Variants in NRXN3 observed in about 807,000 individuals in gnomAD.
NRXN3 encodes neurexin 3.
A neutral mutation model predicts 137.6 loss-of-function variants in NRXN3; 32 were observed. The observed-to-expected ratio is 0.23, with a 90% CI of 0.18 to 0.31. The LOEUF (loss-of-function observed/expected upper bound fraction) is 0.31. Among genes scored for constraint, NRXN3 ranks in the 10% least tolerant of loss-of-function variants. The pLI is 1.00. For synonymous variants in NRXN3, 798 were observed against 784.5 expected, an observed-to-expected ratio of 1.02 and a Z score of -0.29; for missense variants, 1,574 against 2,062.5, an observed-to-expected ratio of 0.76 and a Z score of 4.59.
chr14:79,176,867 C>T (rs2062396804), intron 15 of NRXN3, among the ~76,000 whole-genome samples: 4 of 152,246 alleles, frequency 2.6e-5, no homozygotes, highest in Admixed American at 2.6e-4. Context: ...TCTCTTTGTA[C>T]ACCTTGCACC....
At chr14:79,396,185 A>G (rs2095020680) in intron 15 of NRXN3, among the ~76,000 whole-genome samples, 1 of 152,084 alleles carries the variant, frequency 6.6e-6, no homozygotes, top group Non-Finnish European at 1.5e-5. Context: ...TGAAATGAGT[A>G]AAGAGGCCTG....
intron 4 of NRXN3, among the ~76,000 whole-genome samples, chr14:78,617,720 T>C (rs1207095772): frequency 1.3e-5 from 2 of 152,102 alleles, no homozygotes; most frequent in Non-Finnish European, 2.9e-5. Context: ...CAGTCTATAA[T>C]GTGAGGTGTT....
At chr14:79,741,801 TAC>T (rs34107894) in intron 19 of NRXN3, among the ~76,000 whole-genome samples, 19,806 of 146,458 alleles carry the variant, frequency 0.14, 2,338 homozygotes, top group African/African-American at 0.33. Flanking sequence ...GTGTATACAT[TAC>T]ACACACACAC....
At chr14:79,395,758 G>A (rs746986618) in intron 15 of NRXN3, among the ~76,000 whole-genome samples, 4 of 148,830 alleles carry the variant, frequency 2.7e-5, no homozygotes, top group African/African-American at 9.9e-5. Flanking sequence ...GCAGTGAGTG[G>A]AGATCATGCC....
intron 1 of NRXN3, among the ~76,000 whole-genome samples, chr14:78,178,373 C>A (rs925483481): frequency 8.5e-5 from 13 of 152,202 alleles, no homozygotes; most frequent in African/African-American, 3.1e-4. Context: ...TGTAGCACTG[C>A]TGCTTAGGAG....
intron 16 of NRXN3, among the ~76,000 whole-genome samples, chr14:79,613,785 C>T (rs188850317): frequency 6.6e-6 from 1 of 152,314 alleles, no homozygotes; most frequent in East Asian, 1.9e-4. Context: ...AAAGATAAAT[C>T]AGAAACCATT....
At chr14:78,437,457 C>T (rs73314796) in intron 4 of NRXN3, among the ~76,000 whole-genome samples, 26,380 of 151,818 alleles carry the variant, frequency 0.17, 3,973 homozygotes, top group African/African-American at 0.4. Flanking sequence ...CAAGTGATTC[C>T]CTTGTCTCAG....
chr14:78,827,283 AAAT>A, intron 10 of NRXN3, among the ~76,000 whole-genome samples: 1 of 151,970 alleles, frequency 6.6e-6, no homozygotes, highest in Non-Finnish European at 1.5e-5. Context: ...AAAAAAAAAA[AAAT>A]ACAAAAGAAC....
intron 4 of NRXN3, among the ~76,000 whole-genome samples, chr14:78,624,572 TG>T (rs2097436722): frequency 6.6e-6 from 1 of 152,186 alleles, no homozygotes; most frequent in African/African-American, 2.4e-5. Flanking sequence ...CATCTTTTGT[TG>T]GGAAGAGGCT....
At chr14:79,682,539 T>G (rs1035708152) in intron 17 of NRXN3, among the ~76,000 whole-genome samples, 2 of 152,180 alleles carry the variant, frequency 1.3e-5, no homozygotes, top group African/African-American at 4.8e-5. Context: ...TTGAGAAGCC[T>G]TAAAAATTCT....
At chr14:78,977,976 A>T (rs998645462) in intron 14 of NRXN3, among the ~76,000 whole-genome samples, 1 of 152,200 alleles carries the variant, frequency 6.6e-6, no homozygotes, top group African/African-American at 2.4e-5. Flanking sequence ...GGGGATAAAG[A>T]TACCATGAAG....
At chr14:78,269,547 TTAA>T (rs2072370986) in intron 2 of NRXN3, among the ~76,000 whole-genome samples, 1 of 152,208 alleles carries the variant, frequency 6.6e-6, no homozygotes, top group South Asian at 2.1e-4. Context: ...ACGAATGTAC[TTAA>T]TACTACTGAA....
intron 16 of NRXN3, among the ~76,000 whole-genome samples, chr14:79,534,454 A>G (rs182362965): frequency 2.0e-5 from 3 of 152,308 alleles, no homozygotes; most frequent in Admixed American, 6.5e-5. Context: ...CACTATATCT[A>G]TAGAACAAAT....
chr14:78,582,758 T>A (rs1472042390), intron 4 of NRXN3, among the ~76,000 whole-genome samples: 2 of 152,196 alleles, frequency 1.3e-5, no homozygotes, highest in Admixed American at 1.3e-4. Flanking sequence ...TATTCCACTA[T>A]ACAATAACAA....
At chr14:79,702,038 T>C (rs1036085533) in intron 19 of NRXN3, among the ~76,000 whole-genome samples, 5 of 151,902 alleles carry the variant, frequency 3.3e-5, no homozygotes, top group African/African-American at 1.2e-4. Flanking sequence ...CTACCGACAG[T>C]AGTGGCTATA....
intron 4 of NRXN3, among the ~76,000 whole-genome samples, chr14:78,329,767 C>A (rs954661842): frequency 4.6e-5 from 7 of 152,160 alleles, no homozygotes; most frequent in Non-Finnish European, 1.5e-5. Context: ...CCTGGAAGCC[C>A]ATGACTGTTT....
intron 1 of NRXN3, among the ~76,000 whole-genome samples, chr14:78,188,188 A>G (rs2060406037): frequency 1.3e-5 from 2 of 152,134 alleles, no homozygotes; most frequent in Admixed American, 1.3e-4. Flanking sequence ...TTTCCCCTAT[A>G]GGATACTTGT....
intron 15 of NRXN3, among the ~76,000 whole-genome samples, chr14:79,346,683 G>T (rs2092903105): frequency 6.6e-6 from 1 of 152,046 alleles, no homozygotes; most frequent in Admixed American, 6.6e-5. Context: ...CTTGGAACTT[G>T]CCATTGTTTC....
At chr14:78,685,230 GT>G (rs1219623124) in intron 6 of NRXN3, among the ~76,000 whole-genome samples, 1 of 152,088 alleles carries the variant, frequency 6.6e-6, no homozygotes, top group East Asian at 1.9e-4. Context: ...TGCTTTCTCT[GT>G]TTCTGTTTTT....
Sources: gnomAD v4.1 joint callset for allele counts (sites outside exome capture counted in the v4.1 genomes callset) on GRCh38, gnomAD v4.1.1 for gene constraint, MANE v1.5 for transcripts, NCBI Gene and HGNC (gene_info 2026-07-23, HGNC 2026-07-21) for gene names.